The following ZMYND8 variants were observed in gnomAD, a reference collection of about 807,000 sequenced individuals.
ZMYND8 encodes the protein MYND-type zinc finger-containing chromatin reader ZMYND8.
Under a neutral mutation model 140.8 loss-of-function variants are expected in ZMYND8, and 37 were observed. The observed-to-expected ratio is 0.26, with a 90% confidence interval of 0.20 to 0.35. The LOEUF is 0.35. Ranked by LOEUF, ZMYND8 falls within the 10% of genes least tolerant of loss-of-function variation. The pLI is 1.00. For missense variants in ZMYND8, 1,068 were observed against 1,570.0 expected, an observed-to-expected ratio of 0.68 and a Z score of 5.40; for synonymous variants, 592 against 597.1, an observed-to-expected ratio of 0.99 and a Z score of 0.12.
Position 47,271,580 on chromosome 20 carries a change from G to A in ZMYND8, c.1480+4734C>T, listed in dbSNP as rs75567341. On this transcript the variant is annotated intron_variant, in intron 11 of 22. Coordinates refer to ENST00000471951, the MANE Select transcript of ZMYND8 (RefSeq NM_001281775.3). ...CCATATCTGCCTGATCCCTGTATTT[G>A]AGCTTTCAGCTTAACAGTAGGACTT... 5.9e-5 allele frequency among the ~76,000 whole-genome samples: 9 copies of A among 152,292 alleles called. No individual in the cohort carries two copies. The East Asian group carries it at 1.7e-3, about 29-fold the overall frequency.
chr20:47,352,472 G>C, intron 1 of ZMYND8: 1 of 985,456 alleles, frequency 1.0e-6, no homozygotes, highest in Non-Finnish European at 1.2e-6. Context: ...CCAATGCACA[G>C]GATACTCACA....
intron 21 of ZMYND8, among the ~76,000 whole-genome samples, chr20:47,218,789 CCTCT>C (rs957731681): frequency 6.6e-5 from 10 of 152,160 alleles, no homozygotes; most frequent in African/African-American, 2.4e-4. Flanking sequence ...CATATTACTC[CCTCT>C]GACTGTGCCC....
intron 11 of ZMYND8, among the ~76,000 whole-genome samples, chr20:47,267,504 G>C (rs6018379): frequency 0.017 from 2,431 of 139,232 alleles, 65 homozygotes; most frequent in African/African-American, 0.057. Flanking sequence ...GGCGGGGGGG[G>C]GGCAATTAAA....
rs554352593 is a variant in ZMYND8, at chr20:47,317,234, G to A, written c.86-7030C>T. Among the ~76,000 whole-genome samples the A allele has an allele frequency of 9.2e-5, 14 of 152,284 alleles. No homozygotes were observed. In the South Asian group the frequency reaches 1.9e-3, roughly 20 times the overall value. ...AGTCGTGTCATTCACTGATGACACC[G>A]TTCTCTCAAAGGCAGTCCCCAGAAA... is the stretch of plus-strand genomic sequence containing the variant. On this transcript the variant is annotated intron_variant, in intron 2 of 22. Transcript: ENST00000471951.
rs565776317 is a variant in ZMYND8 at position 47,338,644 on chromosome 20, A to C, written c.85+9212T>G. On this transcript the variant is annotated intron_variant, in intron 2 of 22. Transcript: ENST00000471951. ...TGGCTCCGGCAGAAAGGTGCTCTGG[A>C]AACAGAAGCTACCACCACCGCCACT... is the stretch of plus-strand genomic sequence containing the variant. 2.6e-5 allele frequency among the ~76,000 whole-genome samples: 4 copies of C among 152,232 alleles called. No individual in the cohort carries two copies. In the East Asian group the frequency reaches 7.7e-4, roughly 29 times the overall value.
Position 47,210,651 on chromosome 20 carries a change from G to C in ZMYND8, c.*110C>G, listed in dbSNP as rs2035108352. ...GGGCTCAGGCTCAACTGAGGGTTTT[G>C]TCATTTTCAAGTCTGAAAGTGGCTG... On this transcript the variant is annotated 3_prime_UTR_variant, in exon 23 of 23. Coordinates refer to ENST00000471951, the MANE Select transcript of ZMYND8 (RefSeq NM_001281775.3). 1.3e-6 allele frequency: 2 copies of C among 1,589,832 alleles called. No homozygotes were observed. Among genetic ancestry groups the C allele is most frequent in the Middle Eastern group, 1.7e-4 (1 of 6,006 alleles).
intron 1 of ZMYND8, chr20:47,349,993 G>A: frequency 3.3e-6 from 5 of 1,505,130 alleles, no homozygotes; most frequent in Non-Finnish European, 4.4e-6. Flanking sequence ...ATGCTGCTGA[G>A]AGACGAGGAA....
chr20:47,246,276 T>C lies in ZMYND8; in HGVS notation c.2016A>G (p.Ser672=), dbSNP rs1188925814. 1.2e-6 allele frequency: 2 copies of C among 1,614,108 alleles called. No individual in the cohort carries two copies. The highest frequency in any genetic ancestry group is 1.7e-5 in the Admixed American group (1 of 59,998). Residue 672 remains serine (S), a synonymous_variant, in exon 14 of 23, where the codon TCA becomes TCG. Transcript: ENST00000471951. The part of the protein sequence containing the change: ...VEIKEELKST[S]PASEKADPGA... The stretch of plus-strand genomic sequence containing the variant: ...CAGGGTCTGCCTTCTCGCTGGCTGG[T>C]GACGTGCTTTTCAGCTCCTCTTTAA...
chr20:47,289,785 G>C (rs6066267), intron 7 of ZMYND8, among the ~76,000 whole-genome samples: 1 of 152,202 alleles, frequency 6.6e-6, no homozygotes, highest in Non-Finnish European at 1.5e-5. Context: ...ACACAAAGCA[G>C]AAAGTGGTTC....
intron 19 of ZMYND8, 88 bp from the exon 20 acceptor site, chr20:47,221,562 G>C: frequency 6.8e-7 from 1 of 1,462,348 alleles, no homozygotes; most frequent in Non-Finnish European, 9.1e-7. Flanking sequence ...TGCACCCAGT[G>C]GCACCCAAGG....
intron 2 of ZMYND8, among the ~76,000 whole-genome samples, chr20:47,340,192 A>C (rs998209891): frequency 3.3e-5 from 5 of 152,016 alleles, no homozygotes; most frequent in African/African-American, 1.2e-4. Flanking sequence ...CGCCTCTCAA[A>C]GTGCTTGGCC....
chr20:47,245,599 G>C (rs866246639), intron 14 of ZMYND8, among the ~76,000 whole-genome samples: 10 of 152,334 alleles, frequency 6.6e-5, no homozygotes, highest in African/African-American at 2.4e-4. Flanking sequence ...TGAGATGTCT[G>C]TGGAATGCAG....
intron 2 of ZMYND8, among the ~76,000 whole-genome samples, chr20:47,338,663 C>T (rs1360303762): frequency 1.3e-5 from 2 of 152,118 alleles, no homozygotes; most frequent in Admixed American, 1.3e-4. Context: ...CTACCACCAC[C>T]GCCACTCACT....
intron 12 of ZMYND8, among the ~76,000 whole-genome samples, chr20:47,253,253 G>A (rs1305344505): frequency 5.9e-5 from 9 of 152,172 alleles, no homozygotes; most frequent in African/African-American, 2.2e-4. Context: ...AACTTGCCAG[G>A]AGGTCGAGCG....
At position 47,210,231 on chromosome 20, in the gene ZMYND8, AC is replaced by A. The variant is rs1403807758; in HGVS notation, c.*529del. 6.5e-6 allele frequency: 1 copy of A among 153,540 alleles called. No individual in the cohort carries two copies. The highest frequency in any genetic ancestry group is 1.5e-5 in the Non-Finnish European group (1 of 68,674). 9.5% of individuals were successfully genotyped at this position (153,540 alleles called of 1,614,324 possible). A position where few individuals can be genotyped will look rare whatever the true frequency, so the allele number is the denominator to read the frequency against. ...GTCTGTGCCGAAACTCCCGATCCCA[AC>A]ATGCTGCGTACAGACACACGAGCGA... On this transcript the variant is annotated 3_prime_UTR_variant, in exon 23 of 23. Transcript: ENST00000471951.
At position 47,238,998 on chromosome 20, in the gene ZMYND8, C is replaced by G. The variant is rs753087305; in HGVS notation, c.2425G>C (p.Ala809Pro). The G allele has an allele frequency of 5.0e-6, 8 of 1,608,192 alleles. No individual in the cohort carries two copies. Among genetic ancestry groups the G allele is most frequent in the Non-Finnish European group, 6.8e-6 (8 of 1,175,458 alleles). The change falls in exon 15 of 23, where the codon GCC becomes CCC. Residue 809 changes from alanine (A) to proline (P), a missense_variant. Coordinates refer to ENST00000471951, the MANE Select transcript of ZMYND8 (RefSeq NM_001281775.3). ...CTTCCTGTGGCGGCGGGGGCCGGGG[C>G]CGTGACGGTGACCGTGGAGGACGTG... ...TSTSSTVTVT[A>P]PAPAATGSPV... is the part of the protein sequence containing the mutation.
In ZMYND8 at chr20:47,255,586, G is replaced by A. The variant is rs74177371; in HGVS notation, c.1622-6147C>T. ...AGTGTGTGTGTGTGTGTGTGTGTGT[G>A]TGTGTGTGTATATATATATATATAC... On this transcript the variant is annotated intron_variant, in intron 12 of 22. Coordinates refer to ENST00000471951, the MANE Select transcript of ZMYND8 (RefSeq NM_001281775.3). Among the ~76,000 whole-genome samples the A allele has an allele frequency of 4.4e-3, 215 of 49,170 alleles. 3 individuals carry two copies. Among genetic ancestry groups the A allele is most frequent in the African/African-American group, 0.019 (173 of 9,008 alleles). The allele number at this position is 49,170 out of a possible 152,430, so 32.3% of individuals were successfully genotyped here.
intron 2 of ZMYND8, among the ~76,000 whole-genome samples, chr20:47,338,253 C>G (rs1272455921): frequency 2.6e-5 from 4 of 152,102 alleles, no homozygotes; most frequent in Admixed American, 6.6e-5. Flanking sequence ...CGGGCTGGCT[C>G]TACTCCCGAG....
At chr20:47,232,147 G>A (rs544084855) in intron 16 of ZMYND8, among the ~76,000 whole-genome samples, 8 of 152,246 alleles carry the variant, frequency 5.3e-5, no homozygotes, top group East Asian at 3.9e-4. Flanking sequence ...AGAGGCAGGC[G>A]AATCACCTGA....
Sources: gnomAD v4.1 joint callset for allele counts (sites outside exome capture counted in the v4.1 genomes callset) on GRCh38, gnomAD v4.1.1 for gene constraint, MANE v1.5 for transcripts, NCBI Gene and HGNC (gene_info 2026-07-23, HGNC 2026-07-21) for gene names.